The following SAP30L variants were observed in gnomAD, a reference collection of about 807,000 sequenced individuals.
The protein encoded by SAP30L is histone deacetylase complex subunit SAP30L.
In SAP30L, 10 loss-of-function variants were observed where a neutral mutation model predicts 22.3. That is an observed-to-expected ratio of 0.45 (90% CI 0.28 to 0.76). The LOEUF is 0.76. SAP30L is among the 30% of genes least tolerant of loss of function. The probability of loss-of-function intolerance (pLI) is 0.14; values close to 1 mark genes in which losing one functional copy is unlikely to be tolerated. For missense variants in SAP30L, 206 were observed against 237.9 expected, an observed-to-expected ratio of 0.87 and a Z score of 0.88; for synonymous variants, 91 against 94.1, an observed-to-expected ratio of 0.97 and a Z score of 0.19.
chr5:154,453,513 A>G lies in SAP30L; in HGVS notation c.423+13A>G, dbSNP rs2113277722. ...CCAGTTAGCAGAAGTAGGTAGACAA[A>G]ATTGCCCTCTAAAGAGAGCCAGCAT... On this transcript the variant is annotated intron_variant, in intron 3 of 3. Coordinates refer to ENST00000297109, the MANE Select transcript of SAP30L (RefSeq NM_024632.6). The G allele has an allele frequency of 6.4e-7, 1 of 1,572,664 alleles. No homozygotes were observed. Among genetic ancestry groups the G allele is most frequent in the South Asian group, 1.1e-5 (1 of 90,240 alleles).
At chr5:154,452,579 AGGG>A (rs36033497) in intron 2 of SAP30L, 1 of 674,184 alleles carries the variant, frequency 1.5e-6, no homozygotes, top group African/African-American at 2.0e-5. Context: ...AGAAACAAAA[AGGG>A]GGGGTCCCTT....
At position 154,459,775 on chromosome 5, in the gene SAP30L, C is replaced by G. The variant is rs181937689; in HGVS notation, c.*3747C>G. 24 of 152,340 alleles carry G rather than the reference C, an allele frequency of 1.6e-4. No individual in the cohort carries two copies. The highest frequency in any genetic ancestry group is 4.6e-4 in the African/African-American group (19 of 41,576). 9.4% of individuals were successfully genotyped at this position (152,340 alleles called of 1,614,324 possible). Reference sequence around the variant, plus strand: ...TGTTCAGCTGGAGGATTTATAACTTCGTTGCTTTGCATGAAGTTTAAAGTT... The same window carrying G: ...TGTTCAGCTGGAGGATTTATAACTTGGTTGCTTTGCATGAAGTTTAAAGTT... On this transcript the variant is annotated 3_prime_UTR_variant, in exon 4 of 4. Transcript: ENST00000297109.
intron 1 of SAP30L, among the ~76,000 whole-genome samples, chr5:154,448,176 A>T (rs1757065266): frequency 6.6e-6 from 1 of 151,982 alleles, no homozygotes; most frequent in South Asian, 2.1e-4. Flanking sequence ...GGGTTTCGCC[A>T]TGTTGGACAG....
At chr5:154,451,781 G>T (rs1757146320) in intron 2 of SAP30L, among the ~76,000 whole-genome samples, 1 of 152,080 alleles carries the variant, frequency 6.6e-6, no homozygotes, top group Admixed American at 6.5e-5. Flanking sequence ...AATTTTTGTT[G>T]TGGGGACTGT....
rs1270607873 is a variant in SAP30L, at chr5:154,459,060, C to T, written c.*3032C>T. On this transcript the variant is annotated 3_prime_UTR_variant, in exon 4 of 4. Coordinates refer to ENST00000297109, the MANE Select transcript of SAP30L (RefSeq NM_024632.6). ...TTTAGGCTTTTTATTTTGTGGGAAG[C>T]TTTTTGTTAATATCCTGCAGGGCAA... 6.6e-6 allele frequency: 1 copy of T among 152,158 alleles called. No homozygotes were observed. The highest frequency in any genetic ancestry group is 1.5e-5 in the Non-Finnish European group (1 of 68,028). The allele number at this position is 152,158 out of a possible 1,614,324, so 9.4% of individuals were successfully genotyped here.
Position 154,453,567 on chromosome 5 carries a change from C to T in SAP30L, c.423+67C>T, listed in dbSNP as rs1757199225. 6.7e-6 allele frequency: 7 copies of T among 1,047,164 alleles called. No homozygotes were observed. In the South Asian group the frequency reaches 7.7e-5, roughly 12 times the overall value. 64.9% of individuals were successfully genotyped at this position (1,047,164 alleles called of 1,614,324 possible). On this transcript the variant is annotated intron_variant, in intron 3 of 3. Transcript: ENST00000297109. ...GCTGCTTCTGATGGTTACCCTGATT[C>T]TCCCTTACCTTGTGTGTCTGCTAAT...
chr5:154,459,563 A>C lies in SAP30L; in HGVS notation c.*3535A>C. On this transcript the variant is annotated 3_prime_UTR_variant, in exon 4 of 4. Transcript: ENST00000297109. ...CTTTGGTACACTGTCCTTACCCCTG[A>C]GTATTAGTCCACTCAGTTCCTTGTT... 1 of 152,250 alleles carries C rather than the reference A, an allele frequency of 6.6e-6. No individual in the cohort carries two copies. The highest frequency in any genetic ancestry group is 1.5e-5 in the Non-Finnish European group (1 of 68,060). 9.4% of individuals were successfully genotyped at this position (152,250 alleles called of 1,614,324 possible). A position where few individuals can be genotyped will look rare whatever the true frequency, so the allele number is the denominator to read the frequency against.
Position 154,446,495 on chromosome 5 carries a change from C to A in SAP30L, c.-110C>A, listed in dbSNP as rs1757008952. The A allele has an allele frequency of 1.2e-5, 11 of 930,188 alleles. No homozygotes were observed. The highest frequency in any genetic ancestry group is 1.6e-5 in the Non-Finnish European group (11 of 673,518). 57.6% of individuals were successfully genotyped at this position (930,188 alleles called of 1,614,324 possible). On this transcript the variant is annotated 5_prime_UTR_variant, in exon 1 of 4. Transcript: ENST00000297109. Reference sequence around the variant, plus strand: ...GGGCAGCGCCCGGGCTGGAGACGGACTCTGGGACCCTCGGCTGCGGGGGTC... The same window carrying A: ...GGGCAGCGCCCGGGCTGGAGACGGAATCTGGGACCCTCGGCTGCGGGGGTC...
In SAP30L at chr5:154,456,150, C is replaced by G. The variant is rs1313182418; in HGVS notation, c.*122C>G. On this transcript the variant is annotated 3_prime_UTR_variant, in exon 4 of 4. Coordinates refer to ENST00000297109, the MANE Select transcript of SAP30L (RefSeq NM_024632.6). Reference sequence around the variant, plus strand: ...AATAAAAAAGTTTGAATGATGAATACTGTAAATCTTTTTGGTCAGGAGGAT... The same window carrying G: ...AATAAAAAAGTTTGAATGATGAATAGTGTAAATCTTTTTGGTCAGGAGGAT... 1 of 1,008,328 alleles carries G rather than the reference C, an allele frequency of 9.9e-7. No individual in the cohort carries two copies. The highest frequency in any genetic ancestry group is 1.4e-6 in the Non-Finnish European group (1 of 721,346). The allele number at this position is 1,008,328 out of a possible 1,614,324, so 62.5% of individuals were successfully genotyped here.
At chr5:154,447,969 C>CTTTTTTTT (rs140213326) in intron 1 of SAP30L, among the ~76,000 whole-genome samples, 71 of 88,380 alleles carry the variant, frequency 8.0e-4, no homozygotes, top group African/African-American at 1.7e-3. Flanking sequence ...TTTTCTTTTT[C>CTTTTTTTT]TTTTTTTTTT....
Position 154,453,456 on chromosome 5 carries a change from A to C in SAP30L, c.379A>C (p.Lys127Gln), listed in dbSNP as rs367725958. Residue 127 changes from lysine (K) to glutamine (Q), a missense_variant, in exon 3 of 4, where the codon AAG (lysine) becomes CAG (glutamine). Around this residue, in one of 2 missense-constraint regions of SAP30L, gnomAD observed 136 missense variants for 187.4 expected, o/e 0.73. Transcript: ENST00000297109. Reference protein sequence around the residue: ...NTLRRYKRHYKLQTRPGFNKA... With the variant: ...NTLRRYKRHYQLQTRPGFNKA... ...CCTACGACGTTATAAACGACACTAC[A>C]AGTTGCAGACCAGACCAGGCTTCAA... is the stretch of plus-strand genomic sequence containing the variant. 39 of 1,613,988 alleles carry C rather than the reference A, an allele frequency of 2.4e-5. No individual in the cohort carries two copies. The highest frequency in any genetic ancestry group is 3.2e-5 in the Non-Finnish European group (38 of 1,179,984).
chr5:154,446,515 G>A lies in SAP30L; in HGVS notation c.-90G>A. ...ACGGACTCTGGGACCCTCGGCTGCGGGGGTCTCAGCGACCTGCCCCGCGGC... is the reference window on the plus strand; with the variant it reads ...ACGGACTCTGGGACCCTCGGCTGCGAGGGTCTCAGCGACCTGCCCCGCGGC... On this transcript the variant is annotated 5_prime_UTR_variant, in exon 1 of 4. Coordinates refer to ENST00000297109, the MANE Select transcript of SAP30L (RefSeq NM_024632.6). 9.1e-7 allele frequency: 1 copy of A among 1,094,996 alleles called. No individual in the cohort carries two copies. Among genetic ancestry groups the A allele is most frequent in the Non-Finnish European group, 1.2e-6 (1 of 819,342 alleles). 67.8% of individuals were successfully genotyped at this position (1,094,996 alleles called of 1,614,324 possible). A position where few individuals can be genotyped will look rare whatever the true frequency, so the allele number is the denominator to read the frequency against.
intron 1 of SAP30L, among the ~76,000 whole-genome samples, chr5:154,449,265 G>A (rs940452416): frequency 6.6e-6 from 1 of 151,866 alleles, no homozygotes; most frequent in Non-Finnish European, 1.5e-5. Context: ...TTTTCCTGGA[G>A]AAAAGTGGAA....
chr5:154,452,390 AG>A (rs1757162624), intron 2 of SAP30L: 1 of 248,436 alleles, frequency 4.0e-6, no homozygotes, highest in Non-Finnish European at 6.1e-6. Context: ...AAAGGTTTTG[AG>A]GAATGTTTTG....
chr5:154,455,826 T>G (rs1157236408), intron 3 of SAP30L, 74 bp from the exon 4 acceptor site: 16 of 1,510,090 alleles, frequency 1.1e-5, no homozygotes, highest in Non-Finnish European at 1.2e-5. Context: ...TCCATTCGCT[T>G]CTTTGTACAA....
At chr5:154,454,305 A>G (rs1757217486) in intron 3 of SAP30L, among the ~76,000 whole-genome samples, 1 of 152,170 alleles carries the variant, frequency 6.6e-6, no homozygotes. Flanking sequence ...AGTTTGGATT[A>G]CGGGGAAATG....
Position 154,448,459 on chromosome 5 carries a change from T to G in SAP30L, c.201+1654T>G, listed in dbSNP as rs564301312. On this transcript the variant is annotated intron_variant, in intron 1 of 3. Coordinates refer to ENST00000297109, the MANE Select transcript of SAP30L (RefSeq NM_024632.6). Reference sequence around the variant, plus strand: ...AAATATCTGAGAACAAACAAGGGTCTAGACACCAAGGTGATCCCTCCTTAG... The same window carrying G: ...AAATATCTGAGAACAAACAAGGGTCGAGACACCAAGGTGATCCCTCCTTAG... 2.0e-5 allele frequency among the ~76,000 whole-genome samples: 3 copies of G among 152,364 alleles called. No homozygotes were observed. The East Asian group carries it at 5.8e-4, about 29-fold the overall frequency.
At chr5:154,453,630 T>C in intron 3 of SAP30L, 130 bp downstream of exon 3, 1 of 670,098 alleles carries the variant, frequency 1.5e-6, no homozygotes, top group Admixed American at 2.7e-5. Context: ...AACTCTGTAT[T>C]CCTCTTTGGC....
At chr5:154,451,562 T>C (rs973362148) in intron 2 of SAP30L, among the ~76,000 whole-genome samples, 4 of 152,176 alleles carry the variant, frequency 2.6e-5, no homozygotes, top group African/African-American at 7.2e-5. Flanking sequence ...TTTTAAACCT[T>C]GTTTATGCCT....
Sources: gnomAD v4.1 joint callset for allele counts (sites outside exome capture counted in the v4.1 genomes callset) on GRCh38, gnomAD v4.1.1 for gene constraint, gnomAD v4.1.1 regional missense constraint, MANE v1.5 for transcripts, NCBI Gene and HGNC (gene_info 2026-07-23, HGNC 2026-07-21) for gene names.